TOX2: variants seen among roughly 807,000 people sequenced by gnomAD.
TOX2 encodes the protein granulosa cell HMG box 1.
In TOX2, 15 loss-of-function variants were observed where a neutral mutation model predicts 47.4. That is an observed-to-expected ratio of 0.32 (90% CI 0.21 to 0.49). TOX2 has a LOEUF of 0.49. Among genes scored for constraint, TOX2 ranks in the 20% least tolerant of loss-of-function variants. TOX2 has a pLI of 0.99. For synonymous variants in TOX2, 290 were observed against 296.6 expected (o/e 0.98, Z 0.23); for missense variants, 622 against 673.1 (o/e 0.92, Z 0.84).
At chr20:43,954,607 G>T (rs2069635524) in intron 1 of TOX2, among the ~76,000 whole-genome samples, 1 of 152,196 alleles carries the variant, frequency 6.6e-6, no homozygotes, top group Admixed American at 6.5e-5. Flanking sequence ...GGAGGCTCCT[G>T]GACCTGCCTT....
intron 5 of TOX2, among the ~76,000 whole-genome samples, chr20:44,058,714 T>C (rs1027471647): frequency 6.6e-6 from 1 of 152,186 alleles, no homozygotes; most frequent in African/African-American, 2.4e-5. Context: ...ACAGATCACA[T>C]CACAGGACTC....
chr20:43,932,875 T>C (rs530511557), intron 1 of TOX2, among the ~76,000 whole-genome samples: 1 of 151,920 alleles, frequency 6.6e-6, no homozygotes, highest in East Asian at 2.0e-4. Context: ...TCCAGGGGCC[T>C]GGACAAATCT....
intron 1 of TOX2, among the ~76,000 whole-genome samples, chr20:43,957,567 C>CTTTTTT (rs35133028): frequency 1.9e-5 from 2 of 105,806 alleles, no homozygotes; most frequent in Non-Finnish European, 4.1e-5. Context: ...TAAATGCCCT[C>CTTTTTT]TTTTTTTTTT....
chr20:44,035,078 C>A (rs571019072), intron 3 of TOX2, among the ~76,000 whole-genome samples: 2 of 152,382 alleles, frequency 1.3e-5, no homozygotes, highest in South Asian at 4.1e-4. Flanking sequence ...GCCTCTCGGA[C>A]CTACCTGGTA....
intron 1 of TOX2, among the ~76,000 whole-genome samples, chr20:43,921,845 C>T (rs1043369799): frequency 4.8e-4 from 73 of 152,272 alleles, no homozygotes; most frequent in African/African-American, 1.6e-3. Context: ...GCAGTCCCAA[C>T]GCTGGATGCT....
At chr20:43,993,823 A>G (rs1181650142) in intron 2 of TOX2, among the ~76,000 whole-genome samples, 1 of 152,218 alleles carries the variant, frequency 6.6e-6, no homozygotes, top group Non-Finnish European at 1.5e-5. Flanking sequence ...AAGGGAAGTA[A>G]AGTATCAAAG....
intron 2 of TOX2, among the ~76,000 whole-genome samples, chr20:43,986,712 T>G (rs559051952): frequency 2.5e-4 from 38 of 152,352 alleles, no homozygotes; most frequent in African/African-American, 8.7e-4. Context: ...GATGCCATTT[T>G]GCAGTATCTA....
At chr20:43,924,558 G>C (rs1029219716) in intron 1 of TOX2, among the ~76,000 whole-genome samples, 1 of 152,174 alleles carries the variant, frequency 6.6e-6, no homozygotes, top group African/African-American at 2.4e-5. Flanking sequence ...AGTTCAACAA[G>C]AGGCCATCTG....
At position 44,038,994 on chromosome 20, in the gene TOX2, G is replaced by A. The variant is rs568871092; in HGVS notation, c.412-12312G>A. ...GCGGGTGCAGATGTGGCTCGGGAGC[G>A]TGGCCATATGTTTCCAAGAGGGAAG... On this transcript the variant is annotated intron_variant, in intron 3 of 8. Coordinates refer to ENST00000341197, the MANE Select transcript of TOX2 (RefSeq NM_001098797.2). 6.9e-5 allele frequency: 82 copies of A among 1,196,978 alleles called. No homozygotes were observed. In the South Asian group the frequency reaches 8.1e-4, roughly 12 times the overall value. The allele number at this position is 1,196,978 out of a possible 1,614,324, so 74.1% of individuals were successfully genotyped here. A position where few individuals can be genotyped will look rare whatever the true frequency, so the allele number is the denominator to read the frequency against.
chr20:43,952,616 A>G (rs899937962), intron 1 of TOX2, among the ~76,000 whole-genome samples: 12 of 152,116 alleles, frequency 7.9e-5, no homozygotes, highest in Non-Finnish European at 1.5e-4. Context: ...TCTGCTCATA[A>G]CCCATTGGTC....
intron 1 of TOX2, among the ~76,000 whole-genome samples, chr20:43,919,410 C>T (rs976819964): frequency 6.6e-6 from 1 of 152,044 alleles, no homozygotes; most frequent in African/African-American, 2.4e-5. Flanking sequence ...AGGCCTGGGG[C>T]TGGTTTGTGA....
intron 3 of TOX2, among the ~76,000 whole-genome samples, chr20:44,026,252 C>CTATAT (rs1569109288): frequency 1.2e-5 from 1 of 81,908 alleles, no homozygotes; most frequent in Non-Finnish European, 2.3e-5. Flanking sequence ...TATATATAGA[C>CTATAT]ACACACACAC....
intron 2 of TOX2, among the ~76,000 whole-genome samples, chr20:43,998,674 T>C (rs1355952860): frequency 6.6e-6 from 1 of 152,202 alleles, no homozygotes. Flanking sequence ...TGATTTGTAC[T>C]TAATTTGTAA....
intron 3 of TOX2, among the ~76,000 whole-genome samples, chr20:44,050,663 C>T (rs925005115): frequency 6.6e-6 from 1 of 152,024 alleles, no homozygotes; most frequent in Admixed American, 6.6e-5. Context: ...AAATTGCTGA[C>T]CTGTAGGAAG....
At chr20:43,989,014 A>C (rs1004140859) in intron 2 of TOX2, among the ~76,000 whole-genome samples, 10 of 152,228 alleles carry the variant, frequency 6.6e-5, no homozygotes, top group African/African-American at 2.4e-4. Context: ...AACCACAGTT[A>C]GTCTGAGTCA....
intron 7 of TOX2, 58 bp downstream of exon 7, chr20:44,066,165 T>C (rs1424016161): frequency 6.8e-7 from 1 of 1,465,952 alleles, no homozygotes; most frequent in Non-Finnish European, 9.0e-7. Flanking sequence ...GGAAGCGGCT[T>C]TGCCCTTTCA....
At chr20:44,048,388 T>TTTTATATATATATA (rs1555845973) in intron 3 of TOX2, among the ~76,000 whole-genome samples, 1 of 86,870 alleles carries the variant, frequency 1.2e-5, no homozygotes. Context: ...TAAAATGAAT[T>TTTTATATATATATA]TATATATATA....
intron 1 of TOX2, among the ~76,000 whole-genome samples, chr20:43,934,168 A>AGAGAGAGAGAGAGAGAGAGAGAG (rs1569010329): frequency 6.9e-6 from 1 of 145,626 alleles, no homozygotes; most frequent in African/African-American, 2.6e-5. Flanking sequence ...AGAGAGAGAG[A>AGAGAGAGAGAGAGAGAGAGAGAG]CCTGCCCTCA....
At chr20:44,046,294 G>C (rs755692120) in intron 3 of TOX2, among the ~76,000 whole-genome samples, 1 of 152,192 alleles carries the variant, frequency 6.6e-6, no homozygotes, top group Non-Finnish European at 1.5e-5. Context: ...ACATTTACAG[G>C]ATAAATAACT....
Sources: allele counts gnomAD v4.1 joint callset (sites outside exome capture counted in the v4.1 genomes callset), GRCh38; gene constraint gnomAD v4.1.1; transcripts MANE v1.5; gene names NCBI Gene and HGNC (gene_info 2026-07-23, HGNC 2026-07-21).